GPC6: variants seen among roughly 807,000 people sequenced by gnomAD.
GPC6 encodes the protein glypican-6.
A neutral mutation model predicts 55.2 loss-of-function variants in GPC6; 14 were observed. That is an observed-to-expected ratio of 0.25 (90% CI 0.17 to 0.40). The LOEUF (loss-of-function observed/expected upper bound fraction) is 0.40, where lower values mean the gene tolerates loss of function less well. Ranked by LOEUF, GPC6 falls within the 10% of genes least tolerant of loss-of-function variation. The pLI, the probability that GPC6 is intolerant of heterozygous loss-of-function variation, is 1.00. For missense variants in GPC6, 641 were observed against 708.5 expected (o/e 0.90, Z 1.08); for synonymous variants, 278 against 259.6 (o/e 1.07, Z -0.68).
chr13:94,037,808 A>AT (rs1445478995), intron 4 of GPC6, among the ~76,000 whole-genome samples: 2 of 151,940 alleles, frequency 1.3e-5, no homozygotes, highest in Non-Finnish European at 2.9e-5. Context: ...ATTGGAAGAA[A>AT]TTGAGAATCT....
At chr13:94,286,567 G>T in intron 5 of GPC6, 88 bp downstream of exon 5, 1 of 1,194,120 alleles carries the variant, frequency 8.4e-7, no homozygotes, top group Non-Finnish European at 1.2e-6. Flanking sequence ...ATGTCGGCTG[G>T]GCTTATAAAT....
rs1372327728 is a variant in GPC6 at position 93,542,104 on chromosome 13, T to C, written c.161-3159T>C. Among the ~76,000 whole-genome samples, 5 of 152,222 alleles carry C rather than the reference T, an allele frequency of 3.3e-5. No individual in the cohort carries two copies. The East Asian group carries it at 9.6e-4, about 29-fold the overall frequency. On this transcript the variant is annotated intron_variant, in intron 1 of 8. Coordinates refer to ENST00000377047, the MANE Select transcript of GPC6 (RefSeq NM_005708.5). Reference sequence around the variant, plus strand: ...TAGACATGAAGTCCTTGCCCATGCCTATGTCCTGAATGCTAATGCCTAGGT... The same window carrying C: ...TAGACATGAAGTCCTTGCCCATGCCCATGTCCTGAATGCTAATGCCTAGGT...
chr13:93,950,631 G>A (rs891939950), intron 3 of GPC6, among the ~76,000 whole-genome samples: 6 of 152,078 alleles, frequency 3.9e-5, no homozygotes, highest in Non-Finnish European at 7.4e-5. Context: ...CTAACCTAGC[G>A]ATTAAGTGAT....
At chr13:93,830,043 A>T (rs1027859061) in intron 2 of GPC6, 111 bp from the exon 3 acceptor site, 5 of 705,580 alleles carry the variant, frequency 7.1e-6, no homozygotes, top group South Asian at 1.8e-5. Flanking sequence ...TAATCACAGG[A>T]TATGTTTTTC....
chr13:93,844,289 C>G (rs550398235), intron 3 of GPC6, among the ~76,000 whole-genome samples: 1 of 152,110 alleles, frequency 6.6e-6, no homozygotes, highest in African/African-American at 2.4e-5. Flanking sequence ...CAGGCATGCA[C>G]CACCATGCCC....
chr13:94,267,470 C>G (rs922619805), intron 4 of GPC6, among the ~76,000 whole-genome samples: 1 of 152,088 alleles, frequency 6.6e-6, no homozygotes, highest in African/African-American at 2.4e-5. Flanking sequence ...AAGCAGTAGA[C>G]ACATCTTTCT....
chr13:93,596,508 C>T (rs112964165), intron 2 of GPC6, among the ~76,000 whole-genome samples: 64 of 151,088 alleles, frequency 4.2e-4, no homozygotes, highest in African/African-American at 1.4e-3. Context: ...TGTTGATCCT[C>T]GACAACGTAA....
At chr13:93,701,237 C>T (rs973181355) in intron 2 of GPC6, among the ~76,000 whole-genome samples, 2 of 152,002 alleles carry the variant, frequency 1.3e-5, no homozygotes, top group Non-Finnish European at 2.9e-5. Context: ...GTGTATTATA[C>T]AGGTAAACTA....
At chr13:93,645,291 T>C (rs1880129111) in intron 2 of GPC6, among the ~76,000 whole-genome samples, 2 of 152,094 alleles carry the variant, frequency 1.3e-5, no homozygotes, top group Non-Finnish European at 2.9e-5. Context: ...GGACCAATGT[T>C]TTAAATAGAC....
intron 1 of GPC6, among the ~76,000 whole-genome samples, chr13:93,265,509 T>G (rs556359849): frequency 3.6e-4 from 55 of 152,340 alleles, no homozygotes; most frequent in African/African-American, 1.3e-3. Context: ...ACCTTCAGCC[T>G]GTGTGTATGA....
intron 6 of GPC6, among the ~76,000 whole-genome samples, chr13:94,328,258 A>T (rs1182602665): frequency 6.6e-6 from 1 of 152,208 alleles, no homozygotes; most frequent in Non-Finnish European, 1.5e-5. Flanking sequence ...CCTGATAGAT[A>T]CCACCTCACA....
At chr13:93,657,086 A>G (rs1413024553) in intron 2 of GPC6, among the ~76,000 whole-genome samples, 1 of 152,120 alleles carries the variant, frequency 6.6e-6, no homozygotes, top group Non-Finnish European at 1.5e-5. Context: ...TTTTCATGGA[A>G]TTAGAAAAAA....
intron 4 of GPC6, among the ~76,000 whole-genome samples, chr13:94,222,908 C>CT (rs1306596566): frequency 2.6e-5 from 4 of 152,130 alleles, no homozygotes; most frequent in South Asian, 2.1e-4. Context: ...GCCACTGATG[C>CT]TTTTTTTAAC....
intron 2 of GPC6, among the ~76,000 whole-genome samples, chr13:93,781,409 C>A (rs1489561627): frequency 6.6e-6 from 1 of 152,060 alleles, no homozygotes; most frequent in Non-Finnish European, 1.5e-5. Context: ...AAATGAAAAG[C>A]CAAGGTTCAG....
chr13:93,620,838 C>T (rs536788730), intron 2 of GPC6, among the ~76,000 whole-genome samples: 1 of 152,262 alleles, frequency 6.6e-6, no homozygotes, highest in African/African-American at 2.4e-5. Context: ...AACCTTTCTG[C>T]CACCTTAGAC....
At chr13:93,828,766 T>C (rs928427825) in intron 2 of GPC6, among the ~76,000 whole-genome samples, 6 of 152,170 alleles carry the variant, frequency 3.9e-5, no homozygotes, top group Non-Finnish European at 8.8e-5. Context: ...AGTACTTTCA[T>C]TGCTGCTTTG....
intron 4 of GPC6, among the ~76,000 whole-genome samples, chr13:94,276,892 A>G (rs1043662054): frequency 6.6e-6 from 1 of 152,210 alleles, no homozygotes; most frequent in Non-Finnish European, 1.5e-5. Context: ...TAGTGCTGCA[A>G]TAAATGTACA....
chr13:94,161,723 G>T (rs1366569316), intron 4 of GPC6, among the ~76,000 whole-genome samples: 1 of 152,050 alleles, frequency 6.6e-6, no homozygotes, highest in Non-Finnish European at 1.5e-5. Flanking sequence ...AGAATATTCT[G>T]CACTTCAGTT....
At chr13:93,569,669 C>T (rs1876303128) in intron 2 of GPC6, among the ~76,000 whole-genome samples, 1 of 151,780 alleles carries the variant, frequency 6.6e-6, no homozygotes, top group South Asian at 2.1e-4. Context: ...ATCTTAATAA[C>T]TAATATTAAT....
Sources: gnomAD v4.1 joint callset for allele counts (sites outside exome capture counted in the v4.1 genomes callset) on GRCh38, gnomAD v4.1.1 for gene constraint, MANE v1.5 for transcripts, NCBI Gene and HGNC (gene_info 2026-07-23, HGNC 2026-07-21) for gene names.